BLTP3A: variants seen among roughly 807,000 people sequenced by gnomAD.
The protein encoded by BLTP3A is ICBP90 binding protein 1.
At chr6:34,820,159 T>G in the BLTP3A span, among the ~76,000 whole-genome samples, 4 of 152,006 alleles carry the variant, frequency 2.6e-5, no homozygotes, top group South Asian at 8.3e-4. Context: ...TTATTTCAAG[T>G]AGTGCTAAAA....
At chr6:34,833,903 A>T in the BLTP3A span, among the ~76,000 whole-genome samples, 1 of 141,222 alleles carries the variant, frequency 7.1e-6, no homozygotes, top group African/African-American at 2.7e-5. Context: ...GCCTGGTGAC[A>T]GAGTGAGACT....
the BLTP3A span, chr6:34,836,368 C>G: frequency 6.2e-7 from 1 of 1,609,568 alleles, no homozygotes; most frequent in Non-Finnish European, 8.5e-7. Flanking sequence ...GAGGCCTGAG[C>G]CTGGGCTGGG....
the BLTP3A span, chr6:34,855,835 A>G: frequency 2.0e-6 from 3 of 1,494,086 alleles, no homozygotes; most frequent in Admixed American, 2.3e-5. Context: ...GGTGCTGGAA[A>G]TATCCCTCTT....
the BLTP3A span, among the ~76,000 whole-genome samples, chr6:34,852,197 C>T: frequency 6.6e-6 from 1 of 152,300 alleles, no homozygotes; most frequent in African/African-American, 2.4e-5. Flanking sequence ...GGAGGAGTCT[C>T]TCCTTGTGGT....
the BLTP3A span, among the ~76,000 whole-genome samples, chr6:34,813,452 C>T: frequency 1.3e-5 from 2 of 152,338 alleles, no homozygotes; most frequent in East Asian, 1.9e-4. Context: ...CTTTCCCTGT[C>T]GTCTCTTTGG....
At chr6:34,821,907 C>T in the BLTP3A span, 1 of 1,614,236 alleles carries the variant, frequency 6.2e-7, no homozygotes, top group Non-Finnish European at 8.5e-7. Flanking sequence ...ACTTTGCTTT[C>T]CTCTTTCAGA....
At chr6:34,840,703 C>T in the BLTP3A span, among the ~76,000 whole-genome samples, 7 of 151,916 alleles carry the variant, frequency 4.6e-5, no homozygotes, top group African/African-American at 1.4e-4. Context: ...GCAAGCTCTG[C>T]CTCCCGGGTT....
chr6:34,868,561 A>G, the BLTP3A span, among the ~76,000 whole-genome samples: 1 of 151,108 alleles, frequency 6.6e-6, no homozygotes. Flanking sequence ...CGTCTCTACT[A>G]AAATACAAAA....
chr6:34,836,372 G>C, the BLTP3A span: 1 of 1,607,626 alleles, frequency 6.2e-7, no homozygotes, highest in Non-Finnish European at 8.5e-7. Flanking sequence ...CCTGAGCCTG[G>C]GCTGGGTGGT....
At chr6:34,857,667 T>C in the BLTP3A span, 1 of 1,536,222 alleles carries the variant, frequency 6.5e-7, no homozygotes, top group Non-Finnish European at 8.9e-7. Context: ...TATTAGGTAG[T>C]AAGAGCCTAG....
the BLTP3A span, among the ~76,000 whole-genome samples, chr6:34,806,850 G>A: frequency 6.6e-6 from 1 of 152,262 alleles, no homozygotes; most frequent in East Asian, 1.9e-4. Context: ...AGCAGAGACA[G>A]GGTTTCACCT....
chr6:34,843,039 C>T, the BLTP3A span, among the ~76,000 whole-genome samples: 3 of 152,128 alleles, frequency 2.0e-5, no homozygotes, highest in Non-Finnish European at 4.4e-5. Context: ...TCTGGAGTGT[C>T]ATGGCATGAT....
At chr6:34,830,005 G>A in the BLTP3A span, among the ~76,000 whole-genome samples, 1 of 151,926 alleles carries the variant, frequency 6.6e-6, no homozygotes, top group Non-Finnish European at 1.5e-5. Flanking sequence ...AGTAGAGACT[G>A]GGTTTCACTG....
chr6:34,794,949 T>C, the BLTP3A span, among the ~76,000 whole-genome samples: 1 of 151,626 alleles, frequency 6.6e-6, no homozygotes, highest in Non-Finnish European at 1.5e-5. Flanking sequence ...CACGCCCAGC[T>C]AATTTTTTTT....
At chr6:34,830,132 A>AT in the BLTP3A span, among the ~76,000 whole-genome samples, 2 of 151,650 alleles carry the variant, frequency 1.3e-5, no homozygotes, top group Non-Finnish European at 2.9e-5. Context: ...TAATTTTTGT[A>AT]TTTTTAGCGA....
the BLTP3A span, chr6:34,834,612 A>G: frequency 7.6e-6 from 11 of 1,441,096 alleles, no homozygotes; most frequent in South Asian, 2.7e-5. Flanking sequence ...TGGGATCCCA[A>G]CTGAGAGTGC....
chr6:34,823,539 G>GT, the BLTP3A span, among the ~76,000 whole-genome samples: 4,506 of 134,032 alleles, frequency 0.034, 192 homozygotes, highest in African/African-American at 0.09. Flanking sequence ...TTCTTCTTCT[G>GT]TTTTTTTTTT....
chr6:34,825,120 C>A, the BLTP3A span, among the ~76,000 whole-genome samples: 1 of 152,082 alleles, frequency 6.6e-6, no homozygotes, highest in Non-Finnish European at 1.5e-5. Context: ...ATTAGGTAAT[C>A]TTTTCTAAAG....
the BLTP3A span, among the ~76,000 whole-genome samples, chr6:34,799,616 A>C: frequency 6.6e-6 from 1 of 152,252 alleles, no homozygotes; most frequent in Admixed American, 6.5e-5. Context: ...AAAATTGAGA[A>C]GCATGTCAAT....
Sources: allele counts gnomAD v4.1 joint callset (sites outside exome capture counted in the v4.1 genomes callset), GRCh38; gene constraint gnomAD v4.1.1; transcripts MANE v1.5; gene names NCBI Gene and HGNC (gene_info 2026-07-23, HGNC 2026-07-21).